Variants in OTOF observed in about 807,000 individuals in gnomAD.
OTOF encodes fer-1-like family member 2.
In OTOF, 218 loss-of-function variants were observed where a neutral mutation model predicts 236.8. The observed-to-expected ratio is 0.92, with a 90% CI of 0.82 to 1.03. The LOEUF is 1.03. Among genes scored for constraint, OTOF ranks in the 50% least tolerant of loss-of-function variants. The pLI is 0.00. For synonymous variants in OTOF, 1,041 were observed against 1,072.5 expected, an observed-to-expected ratio of 0.97 and a Z score of 0.57; for missense variants, 2,590 against 2,694.4, an observed-to-expected ratio of 0.96 and a Z score of 0.86.
rs749384668 is a variant in OTOF at position 26,466,839 on chromosome 2, C to T, written c.4375G>A (p.Val1459Met). ...TCCTCTGGGAGTGGCACTTTGTACA[C>T]GCAGAGGGAGCCCTGGGCAAGACAA... ...IVGRFKGSLC[V>M]YKVPLPEDVS... Residue 1459 changes from valine to methionine, a missense_variant, in exon 36 of 47, where the codon GTG (valine) becomes ATG (methionine). Coordinates refer to ENST00000272371, the MANE Select transcript of OTOF (RefSeq NM_194248.3). 1.9e-5 allele frequency: 31 copies of T among 1,614,064 alleles called. No homozygotes were observed. The highest frequency in any genetic ancestry group is 1.2e-4 in the Admixed American group (7 of 60,012).
At position 26,476,315 on chromosome 2, in the gene OTOF, C is replaced by T. The variant is rs776717915; in HGVS notation, c.2679G>A (p.Leu893=). Residue 893 remains leucine (L), a splice_region_variant and synonymous_variant, in exon 23 of 47, where the codon CTG becomes CTA. Transcript: ENST00000272371. Reference sequence around the variant, plus strand: ...CCGAGCCGAAGCCCCGCTTCCCTGGCAGCTGGGGGTGGGCATGGGGTCACC... The same window carrying T: ...CCGAGCCGAAGCCCCGCTTCCCTGGTAGCTGGGGGTGGGCATGGGGTCACC... ...CAKVKTLFLK[L]PGKRGFGSAG... 6.2e-7 allele frequency: 1 copy of T among 1,602,636 alleles called. No homozygotes were observed. The highest frequency in any genetic ancestry group is 2.2e-5 in the East Asian group (1 of 44,850).
chr2:26,461,804 A>C lies in OTOF; in HGVS notation c.5425T>G (p.Ser1809Ala), dbSNP rs768516157. The C allele has an allele frequency of 8.7e-6, 14 of 1,614,004 alleles. No individual in the cohort carries two copies. Among genetic ancestry groups the C allele is most frequent in the Non-Finnish European group, 1.2e-5 (14 of 1,180,024 alleles). ...YLAAEEKIVI[S>A]KKESMFSWDE... The stretch of plus-strand genomic sequence containing the variant: ...CAGGAGAACATGGACTCCTTCTTGG[A>C]GATGACGATCTTCTCCTCCGCCGCC... Residue 1809 changes from serine (S) to alanine (A), a missense_variant, in exon 43 of 47, where the codon TCC becomes GCC. Physicochemically the swap from Ser to Ala is moderately conservative, Grantham distance 99. Coordinates refer to ENST00000272371, the MANE Select transcript of OTOF (RefSeq NM_194248.3). The surrounding 1 kb of genome is among the most constrained non-coding windows in gnomAD (Gnocchi z 6.2).
intron 2 of OTOF, among the ~76,000 whole-genome samples, chr2:26,532,662 G>C (rs1666978314): frequency 1.3e-5 from 2 of 152,122 alleles, no homozygotes; most frequent in Admixed American, 1.3e-4. Context: ...GAGGGAAAGA[G>C]GGCCTCTGTT....
intron 5 of OTOF, among the ~76,000 whole-genome samples, chr2:26,508,447 C>A (rs1259735584): frequency 6.6e-6 from 1 of 152,312 alleles, no homozygotes; most frequent in Middle Eastern, 3.4e-3. Context: ...TATACAAGAA[C>A]CACCCTGTCT....
chr2:26,463,205 A>G (rs554866529), intron 41 of OTOF, among the ~76,000 whole-genome samples: 66 of 152,220 alleles, frequency 4.3e-4, no homozygotes, highest in Non-Finnish European at 8.8e-5. Flanking sequence ...GATACAATGC[A>G]CCGGAGTGTG....
At chr2:26,526,244 G>A (rs1193178594) in intron 3 of OTOF, among the ~76,000 whole-genome samples, 2 of 151,918 alleles carry the variant, frequency 1.3e-5, no homozygotes, top group East Asian at 3.9e-4. Flanking sequence ...ATGGATGAAA[G>A]GAAGGATGGG....
chr2:26,473,557 C>T lies in OTOF; in HGVS notation c.3419G>A (p.Trp1140Ter). ...CACCCGCTTTAGGTCCCGTAGGCCC[C>T]AGAACAGCACCTGGGAGAGGTTGGA... ...LSKYRVEVLF[W>*]GLRDLKRVNL... The change falls in exon 28 of 47, where the codon TGG becomes TAG. Residue 1140 changes from tryptophan to a stop codon, truncating the protein, a stop_gained. Coordinates refer to ENST00000272371, the MANE Select transcript of OTOF (RefSeq NM_194248.3). LOFTEE classifies it high-confidence loss of function. This position sits in a 1 kb window ranked among gnomAD's most constrained non-coding sequence, Gnocchi z 7.2. 1 of 1,606,528 alleles carries T rather than the reference C, an allele frequency of 6.2e-7. No homozygotes were observed. Among genetic ancestry groups the T allele is most frequent in the Middle Eastern group, 1.7e-4 (1 of 6,046 alleles).
In OTOF at chr2:26,457,593, A is replaced by G. The variant is rs1350295583; in HGVS notation, c.*645T>C. ...CTGCTGCGGATCAAAGACCGGTGCT[A>G]TCTGCAGGGGTCACGGCGGGGATAC... On this transcript the variant is annotated 3_prime_UTR_variant, in exon 47 of 47. Transcript: ENST00000272371. The surrounding 1 kb of genome is among the most constrained non-coding windows in gnomAD (Gnocchi z 4.4). 1.2e-5 allele frequency: 2 copies of G among 161,878 alleles called. No homozygotes were observed. Among genetic ancestry groups the G allele is most frequent in the Non-Finnish European group, 2.7e-5 (2 of 73,732 alleles). 10.0% of individuals were successfully genotyped at this position (161,878 alleles called of 1,614,324 possible).
chr2:26,510,415 C>T (rs1666353559), intron 5 of OTOF, among the ~76,000 whole-genome samples: 1 of 152,104 alleles, frequency 6.6e-6, no homozygotes, highest in Non-Finnish European at 1.5e-5. Context: ...GGGGGCTGAA[C>T]AGTGGAGGAG....
intron 46 of OTOF, among the ~76,000 whole-genome samples, chr2:26,459,348 C>T (rs879307997): frequency 6.6e-5 from 10 of 152,142 alleles, no homozygotes; most frequent in East Asian, 1.9e-4. Context: ...GTCAGGAGAT[C>T]GAGACCATCC....
At chr2:26,545,804 C>A (rs527452096) in intron 1 of OTOF, among the ~76,000 whole-genome samples, 1 of 152,224 alleles carries the variant, frequency 6.6e-6, no homozygotes, top group East Asian at 1.9e-4. Flanking sequence ...GATTGAAAAT[C>A]AATTGATTTT....
At chr2:26,512,283 A>G (rs1013537076) in intron 5 of OTOF, among the ~76,000 whole-genome samples, 10 of 152,238 alleles carry the variant, frequency 6.6e-5, no homozygotes, top group Non-Finnish European at 1.0e-4. Flanking sequence ...CTGCAAGACT[A>G]AAGCTGGGAT....
At chr2:26,516,918 C>T (rs1459269573) in intron 4 of OTOF, among the ~76,000 whole-genome samples, 2 of 152,134 alleles carry the variant, frequency 1.3e-5, no homozygotes, top group African/African-American at 2.4e-5. Context: ...CCCCCGAGTC[C>T]ACTGTCTACA....
Position 26,461,754 on chromosome 2 carries a change from G to T in OTOF, c.5475C>A (p.Pro1825=), listed in dbSNP as rs760178516. ...CCCAGATCTGCAGGGTGAGCCGCGC[G>T]GGGATCTTGTACTCGGTCTCGTCCC... ...FSWDETEYKI[P]ARLTLQIWDA... is the part of the protein sequence containing the mutation. Residue 1825 remains proline, a synonymous_variant, in exon 43 of 47, where the codon CCC becomes CCA. Transcript: ENST00000272371. The surrounding 1 kb of genome is among the most constrained non-coding windows in gnomAD (Gnocchi z 6.2). The T allele has an allele frequency of 4.3e-6, 7 of 1,614,068 alleles. No individual in the cohort carries two copies. The highest frequency in any genetic ancestry group is 5.9e-6 in the Non-Finnish European group (7 of 1,180,032).
intron 5 of OTOF, among the ~76,000 whole-genome samples, chr2:26,513,381 G>C (rs1479960592): frequency 6.6e-6 from 1 of 152,116 alleles, no homozygotes; most frequent in Non-Finnish European, 1.5e-5. Flanking sequence ...GGAGGGAGAG[G>C]TGAGGAGTGC....
chr2:26,518,942 G>A (rs1666603820), intron 4 of OTOF, 68 bp downstream of exon 4: 8 of 1,104,762 alleles, frequency 7.2e-6, no homozygotes, highest in South Asian at 5.2e-5. Flanking sequence ...CCATGTGTGA[G>A]GCAGGGAGAA....
At chr2:26,507,562 G>C (rs769157798) in intron 5 of OTOF, among the ~76,000 whole-genome samples, 1 of 152,178 alleles carries the variant, frequency 6.6e-6, no homozygotes, top group Non-Finnish European at 1.5e-5. Flanking sequence ...TGTTTTCAAA[G>C]TAAAATTCTG....
At chr2:26,527,691 T>C in intron 3 of OTOF, 141 bp downstream of exon 3, 1 of 730,238 alleles carries the variant, frequency 1.4e-6, no homozygotes, top group South Asian at 1.5e-5. Flanking sequence ...GCCCAAGATT[T>C]CTTCGGTCTT....
chr2:26,501,830 C>T, intron 7 of OTOF, 22 bp from the exon 8 acceptor site: 3 of 1,602,008 alleles, frequency 1.9e-6, no homozygotes, highest in South Asian at 1.1e-5. Flanking sequence ...AATGTACCAT[C>T]AGGCCTGGGG....
Sources: gnomAD v4.1 joint callset for allele counts (sites outside exome capture counted in the v4.1 genomes callset) on GRCh38, gnomAD v4.1.1 for gene constraint, Gnocchi (gnomAD v3.1) non-coding constraint, MANE v1.5 for transcripts, NCBI Gene and HGNC (gene_info 2026-07-23, HGNC 2026-07-21) for gene names.